NBPF11: variants seen among roughly 807,000 people sequenced by gnomAD.
The protein encoded by NBPF11 is NBPF member 11.
In NBPF11, 72 loss-of-function variants were observed where a neutral mutation model predicts 93.9. The observed-to-expected ratio is 0.77, with a 90% CI of 0.63 to 0.93. NBPF11 has a LOEUF of 0.93. Among genes scored for constraint, NBPF11 ranks in the 40% least tolerant of loss-of-function variants. The pLI is 0.00. For missense variants in NBPF11, 705 were observed against 802.2 expected, an observed-to-expected ratio of 0.88 and a Z score of 1.46; for synonymous variants, 224 against 304.9, an observed-to-expected ratio of 0.73 and a Z score of 2.76.
At position 148,120,527 on chromosome 1, in the gene NBPF11, A is replaced by G. The variant is rs1259938373; in HGVS notation, c.962T>C (p.Phe321Ser). 1.1e-6 allele frequency: 1 copy of G among 930,888 alleles called. No homozygotes were observed. The highest frequency in any genetic ancestry group is 1.8e-6 in the Non-Finnish European group (1 of 556,764). The allele number at this position is 930,888 out of a possible 1,614,324, so 57.7% of individuals were successfully genotyped here. A position where few individuals can be genotyped will look rare whatever the true frequency, so the allele number is the denominator to read the frequency against. ...EKCFVTQVAC[F>S]LAKQQNKYKY... ...GTATTTGTTCTGCTGCTTGGCCAGG[A>G]AGCAGGCCACTTGAGTTACAAAACA... is the stretch of plus-strand genomic sequence containing the variant. Residue 321 changes from phenylalanine (F) to serine (S), a missense_variant, in exon 10 of 24, where the codon TTC (phenylalanine) becomes TCC (serine). By Grantham distance (155) the Phe-to-Ser change is radical. Transcript: ENST00000682118.
chr1:148,148,547 T>C (rs1310688045), intron 1 of NBPF11, among the ~76,000 whole-genome samples: 23 of 151,924 alleles, frequency 1.5e-4, no homozygotes, highest in African/African-American at 5.6e-4. Flanking sequence ...CAAGGGAAGG[T>C]GCTGGTGGGA....
Position 148,122,183 on chromosome 1 carries a change from G to A in NBPF11, c.650C>T (p.Pro217Leu). The A allele has an allele frequency of 3.1e-6, 5 of 1,612,862 alleles. No homozygotes were observed. The highest frequency in any genetic ancestry group is 1.7e-5 in the Admixed American group (1 of 60,002). The stretch of plus-strand genomic sequence containing the variant: ...CTTGTGAGGCTGGATGGAGTCACAA[G>A]GGCCGTGGCTATTTGAACAAGTGAT... The part of the protein sequence containing the change: ...CAITCSNSHG[P>L]CDSIQPHKNI... The change falls in exon 9 of 24, where the codon CCT (proline) becomes CTT (leucine). Residue 217 changes from proline to leucine, a missense_variant. Pro to Leu is a moderately conservative substitution (Grantham distance 98). This residue lies in a region of NBPF11 where 262 missense variants were observed against 223.1 expected (regional missense o/e 1.17). Coordinates refer to ENST00000682118, the MANE Select transcript of NBPF11 (RefSeq NM_001385469.3).
At chr1:148,116,654 T>A in intron 12 of NBPF11, 119 bp from the exon 13 acceptor site, 1 of 592,086 alleles carries the variant, frequency 1.7e-6, no homozygotes, top group Admixed American at 3.0e-5. Flanking sequence ...AACTGAAAAC[T>A]CTCATGTTTT....
intron 5 of NBPF11, among the ~76,000 whole-genome samples, chr1:148,125,396 T>C (rs1214449516): frequency 2.6e-5 from 4 of 152,022 alleles, no homozygotes; most frequent in Admixed American, 6.5e-5. Flanking sequence ...CCTAGGACTA[T>C]GGGACTGATG....
chr1:148,126,967 C>T lies in NBPF11; in HGVS notation c.37G>A (p.Ala13Thr), dbSNP rs1553273312. The T allele has an allele frequency of 4.8e-6, 4 of 830,754 alleles. No individual in the cohort carries two copies. Among genetic ancestry groups the T allele is most frequent in the East Asian group, 5.0e-5 (2 of 40,104 alleles). 51.5% of individuals were successfully genotyped at this position (830,754 alleles called of 1,614,324 possible). The part of the protein sequence containing the change: ...VSAGPWSSEK[A>T]EMNILEINEK... ...TTGATTTCTAGAATGTTCATCTCTGCCTTCTCGCTGGACCAAGGGCCGGCT... is the reference window on the plus strand; with the variant it reads ...TTGATTTCTAGAATGTTCATCTCTGTCTTCTCGCTGGACCAAGGGCCGGCT... Residue 13 changes from alanine (A) to threonine (T), a missense_variant, in exon 5 of 24, where the codon GCA becomes ACA. Transcript: ENST00000682118.
intron 23 of NBPF11, 122 bp from the exon 24 acceptor site, chr1:148,104,034 A>C: frequency 6.3e-7 from 1 of 1,595,512 alleles, no homozygotes; most frequent in Non-Finnish European, 8.6e-7. Flanking sequence ...TCCATTAATG[A>C]GGTAACAAAT....
At chr1:148,126,738 A>G (rs1175263495) in intron 5 of NBPF11, 91 bp downstream of exon 5, 2 of 977,106 alleles carry the variant, frequency 2.0e-6, no homozygotes, top group Non-Finnish European at 1.6e-6. Flanking sequence ...GTTTTCCTAG[A>G]AGTACAGGAA....
chr1:148,134,602 A>G (rs1222606596), intron 4 of NBPF11, among the ~76,000 whole-genome samples: 1 of 150,144 alleles, frequency 6.7e-6, no homozygotes, highest in African/African-American at 2.5e-5. Context: ...TTCAGAAAAG[A>G]AAGCTCAGCA....
chr1:148,122,786 T>G lies in NBPF11; in HGVS notation c.509A>C (p.Glu170Ala). 1 of 1,609,866 alleles carries G rather than the reference T, an allele frequency of 6.2e-7. No homozygotes were observed. Among genetic ancestry groups the G allele is most frequent in the Non-Finnish European group, 8.5e-7 (1 of 1,177,694 alleles). ...QKLSPENDED[E>A]DEDVQVEEDE... ...CTCCTCAACTTGAACATCTTCATCC[T>G]CATCTTCGTCATTTTCTATAAATAC... The change falls in exon 8 of 24, where the codon GAG becomes GCG. Residue 170 changes from glutamate to alanine, a missense_variant. By Grantham distance (107) the Glu-to-Ala change is moderately radical. Coordinates refer to ENST00000682118, the MANE Select transcript of NBPF11 (RefSeq NM_001385469.3).
At chr1:148,119,784 C>T (rs1667409020) in intron 10 of NBPF11, among the ~76,000 whole-genome samples, 1 of 151,938 alleles carries the variant, frequency 6.6e-6, no homozygotes, top group Admixed American at 6.6e-5. Flanking sequence ...GCCTCCTGAG[C>T]AGGGGTGATT....
At chr1:148,135,196 G>C in intron 4 of NBPF11, 1 of 140,596 alleles carries the variant, frequency 7.1e-6, no homozygotes, top group Admixed American at 6.7e-5. Context: ...TTGGAAGCAT[G>C]TATCCTAAGG....
chr1:148,151,115 G>A (rs1165362127), intron 1 of NBPF11, among the ~76,000 whole-genome samples: 4 of 151,780 alleles, frequency 2.6e-5, no homozygotes. Context: ...CTCAAAGAAA[G>A]ACAGACAGGC....
intron 10 of NBPF11, among the ~76,000 whole-genome samples, chr1:148,119,415 A>G (rs1228373261): frequency 2.2e-4 from 33 of 152,028 alleles, no homozygotes; most frequent in Admixed American, 1.6e-3. Flanking sequence ...GCAGCAATTT[A>G]CAGAGGTAGG....
At chr1:148,150,545 T>C (rs1648024891) in intron 1 of NBPF11, among the ~76,000 whole-genome samples, 1 of 150,970 alleles carries the variant, frequency 6.6e-6, no homozygotes, top group African/African-American at 2.4e-5. Context: ...ACTGGTGAAA[T>C]TTTACTAATT....
At chr1:148,124,350 T>C (rs1399024330) in intron 6 of NBPF11, among the ~76,000 whole-genome samples, 2 of 151,092 alleles carry the variant, frequency 1.3e-5, no homozygotes, top group Admixed American at 6.6e-5. Flanking sequence ...CAAAAAGACA[T>C]CCTTTCAGTT....
chr1:148,122,161 G>A lies in NBPF11; in HGVS notation c.672C>T (p.His224=). Residue 224 remains histidine, a synonymous_variant, in exon 9 of 24, where the codon CAC becomes CAT. Coordinates refer to ENST00000682118, the MANE Select transcript of NBPF11 (RefSeq NM_001385469.3). ...SHGPCDSIQP[H]KNIKITFEED... is the part of the protein sequence containing the mutation. ...CCTCAAATGTGATTTTGATGTTCTT[G>A]TGAGGCTGGATGGAGTCACAAGGGC... 1.9e-6 allele frequency: 3 copies of A among 1,613,090 alleles called. No individual in the cohort carries two copies. Among genetic ancestry groups the A allele is most frequent in the Non-Finnish European group, 2.5e-6 (3 of 1,179,524 alleles).
Position 148,103,704 on chromosome 1 carries a change from G to C in NBPF11, c.*192C>G, listed in dbSNP as rs1268688422. The stretch of plus-strand genomic sequence containing the variant: ...AATATGACTCCCATCTGGAAGACCA[G>C]GTGGAGACTTCTCACCGTCAAAGTA... On this transcript the variant is annotated 3_prime_UTR_variant, in exon 24 of 24. Transcript: ENST00000682118. 1.9e-6 allele frequency: 3 copies of C among 1,611,266 alleles called. No homozygotes were observed. The highest frequency in any genetic ancestry group is 2.5e-6 in the Non-Finnish European group (3 of 1,179,354).
intron 5 of NBPF11, among the ~76,000 whole-genome samples, chr1:148,125,395 A>G (rs1255087280): frequency 6.6e-6 from 1 of 151,990 alleles, no homozygotes; most frequent in Non-Finnish European, 1.5e-5. Flanking sequence ...CCCTAGGACT[A>G]TGGGACTGAT....
In NBPF11 at chr1:148,146,754, T is replaced by A. The variant is rs1268578096; in HGVS notation, c.-548-3068A>T. On this transcript the variant is annotated intron_variant, in intron 1 of 23. Coordinates refer to ENST00000682118, the MANE Select transcript of NBPF11 (RefSeq NM_001385469.3). ...ACACGGTCCTCTTCTCGCACGGCAA[T>A]GCCGTGGACCTGGGCCAGATGAGCA... is the stretch of plus-strand genomic sequence containing the variant. 17 of 1,612,766 alleles carry A rather than the reference T, an allele frequency of 1.1e-5. No individual in the cohort carries two copies. The South Asian group carries it at 1.9e-4, about 18-fold the overall frequency.
Sources: allele counts gnomAD v4.1 joint callset (sites outside exome capture counted in the v4.1 genomes callset), GRCh38; gene constraint gnomAD v4.1.1; regional missense constraint gnomAD v4.1.1; transcripts MANE v1.5; gene names NCBI Gene and HGNC (gene_info 2026-07-23, HGNC 2026-07-21).